Variants in GCNT2 observed in about 807,000 individuals in gnomAD.
GCNT2 encodes the protein N-acetyllactosaminide beta-1,6-N-acetylglucosaminyl-transferase.
GCNT2 carries 34 observed loss-of-function variants against 34.2 expected under a neutral mutation model. The observed-to-expected ratio is 1.00, with a 90% CI of 0.76 to 1.32. The LOEUF is 1.32. Ranked by LOEUF, GCNT2 falls within the 40% of genes most tolerant of loss-of-function variation. The probability of loss-of-function intolerance (pLI) is 0.00; values close to 1 mark genes in which losing one functional copy is unlikely to be tolerated. For synonymous variants in GCNT2, 212 were observed against 188.0 expected, an observed-to-expected ratio of 1.13 and a Z score of -1.04; for missense variants, 584 against 489.4, an observed-to-expected ratio of 1.19 and a Z score of -1.82.
chr6:10,544,632 TATTA>T (rs1762184683), intron 3 of GCNT2, among the ~76,000 whole-genome samples: 1 of 148,620 alleles, frequency 6.7e-6, no homozygotes, highest in Non-Finnish European at 1.5e-5. Context: ...TAAAATAAAA[TATTA>T]AATAAATAAA....
At chr6:10,532,742 G>A (rs1404167134) in intron 3 of GCNT2, among the ~76,000 whole-genome samples, 4 of 152,020 alleles carry the variant, frequency 2.6e-5, no homozygotes, top group Non-Finnish European at 5.9e-5. Flanking sequence ...CCACCACATC[G>A]GGCAAGCCCT....
chr6:10,544,052 G>A (rs1030105059), intron 3 of GCNT2, among the ~76,000 whole-genome samples: 2 of 152,182 alleles, frequency 1.3e-5, no homozygotes, highest in Admixed American at 6.5e-5. Flanking sequence ...GGTGGCTCAC[G>A]CCTGTAATCC....
intron 3 of GCNT2, among the ~76,000 whole-genome samples, chr6:10,596,056 C>A (rs1222497138): frequency 6.6e-6 from 1 of 152,212 alleles, no homozygotes; most frequent in Non-Finnish European, 1.5e-5. Context: ...TTCTCCTCAT[C>A]CCATAATAAC....
At chr6:10,620,162 T>C (rs1382506785) in intron 3 of GCNT2, among the ~76,000 whole-genome samples, 1 of 152,158 alleles carries the variant, frequency 6.6e-6, no homozygotes, top group Non-Finnish European at 1.5e-5. Context: ...TGCATGTGTG[T>C]GTTTGAGGGA....
chr6:10,538,335 G>A (rs1761867516), intron 3 of GCNT2, among the ~76,000 whole-genome samples: 1 of 143,556 alleles, frequency 7.0e-6, no homozygotes, highest in Non-Finnish European at 1.5e-5. Flanking sequence ...TTGAACCTGG[G>A]ATGCAGAGGT....
At chr6:10,597,605 T>A (rs1320063712) in intron 3 of GCNT2, among the ~76,000 whole-genome samples, 1 of 151,184 alleles carries the variant, frequency 6.6e-6, no homozygotes, top group African/African-American at 2.5e-5. Flanking sequence ...TCCAAGGCTA[T>A]GAGGGTTTTT....
At chr6:10,569,763 T>G (rs1329540480) in intron 3 of GCNT2, among the ~76,000 whole-genome samples, 1 of 152,188 alleles carries the variant, frequency 6.6e-6, no homozygotes, top group African/African-American at 2.4e-5. Context: ...CAGTGTAGTT[T>G]TTCCATGCTA....
At chr6:10,588,388 G>A (rs935827699) in intron 3 of GCNT2, among the ~76,000 whole-genome samples, 1 of 152,174 alleles carries the variant, frequency 6.6e-6, no homozygotes, top group African/African-American at 2.4e-5. Context: ...TTTAATGATA[G>A]GAAGTCATCG....
At chr6:10,572,559 C>T (rs1236487630) in intron 3 of GCNT2, among the ~76,000 whole-genome samples, 1 of 151,974 alleles carries the variant, frequency 6.6e-6, no homozygotes, top group African/African-American at 2.4e-5. Context: ...GGTGAAATCC[C>T]ATCTCTACTA....
intron 3 of GCNT2, among the ~76,000 whole-genome samples, chr6:10,540,560 C>G (rs1282793110): frequency 1.3e-5 from 2 of 151,924 alleles, no homozygotes; most frequent in East Asian, 3.9e-4. Context: ...CCCCCAACCA[C>G]CAGCACACCA....
At chr6:10,567,035 T>A (rs1267932746) in intron 3 of GCNT2, among the ~76,000 whole-genome samples, 1 of 152,124 alleles carries the variant, frequency 6.6e-6, no homozygotes, top group Non-Finnish European at 1.5e-5. Context: ...TGGACCAAGA[T>A]TAAAGAGAAG....
chr6:10,603,078 T>C (rs1205158131), intron 3 of GCNT2, among the ~76,000 whole-genome samples: 7 of 152,228 alleles, frequency 4.6e-5, no homozygotes, highest in East Asian at 1.9e-4. Flanking sequence ...GTTCAAGTGC[T>C]GCAAACAACA....
intron 4 of GCNT2, 128 bp from the exon 5 acceptor site, chr6:10,626,289 T>C: frequency 1.3e-6 from 1 of 745,266 alleles, no homozygotes; most frequent in South Asian, 1.4e-5. Flanking sequence ...CACAATCATA[T>C]TTCATTTGAA....
Position 10,557,164 on chromosome 6 carries a change from G to A in GCNT2, c.925+27328G>A, listed in dbSNP as rs200874437. ...TTTCCTATGTGATAAGAACAACAGC[G>A]TTGAAACCGCCTCCCCCCCATAATC... is the stretch of plus-strand genomic sequence containing the variant. On this transcript the variant is annotated intron_variant, in intron 3 of 4. Coordinates refer to ENST00000495262, the MANE Select transcript of GCNT2 (RefSeq NM_145649.5). 895 of 1,548,304 alleles carry A rather than the reference G, an allele frequency of 5.8e-4. 19 individuals are homozygous for A. In the South Asian group the frequency reaches 0.01, roughly 17 times the overall value.
chr6:10,522,369 T>C (rs1357530678), intron 1 of GCNT2, among the ~76,000 whole-genome samples: 3 of 152,200 alleles, frequency 2.0e-5, no homozygotes, highest in Non-Finnish European at 4.4e-5. Context: ...ACTAAGTAAA[T>C]TCAGGTTTTG....
At chr6:10,565,156 G>A (rs542527899) in intron 3 of GCNT2, among the ~76,000 whole-genome samples, 5 of 152,352 alleles carry the variant, frequency 3.3e-5, no homozygotes, top group South Asian at 2.1e-4. Context: ...AAAGCAGCCC[G>A]TGTGGCCATA....
At chr6:10,596,588 T>C (rs1764862358) in intron 3 of GCNT2, among the ~76,000 whole-genome samples, 1 of 152,086 alleles carries the variant, frequency 6.6e-6, no homozygotes, top group African/African-American at 2.4e-5. Context: ...AGGAGTATGG[T>C]ACTAAGAGTA....
At chr6:10,570,620 ACT>A (rs1763515062) in intron 3 of GCNT2, among the ~76,000 whole-genome samples, 1 of 151,784 alleles carries the variant, frequency 6.6e-6, no homozygotes, top group South Asian at 2.1e-4. Context: ...TCTTCACATA[ACT>A]CTTCCTTCAC....
intron 3 of GCNT2, among the ~76,000 whole-genome samples, chr6:10,557,590 C>T (rs1762783059): frequency 6.6e-6 from 1 of 151,902 alleles, no homozygotes; most frequent in African/African-American, 2.4e-5. Flanking sequence ...TGGGCTCCAG[C>T]AATCCTCCCA....
Sources: allele counts gnomAD v4.1 joint callset (sites outside exome capture counted in the v4.1 genomes callset), GRCh38; gene constraint gnomAD v4.1.1; transcripts MANE v1.5; gene names NCBI Gene and HGNC (gene_info 2026-07-23, HGNC 2026-07-21).